ADAMTSL1: variants seen among roughly 807,000 people sequenced by gnomAD.
The protein encoded by ADAMTSL1 is ADAMTS-like protein 1.
Under a neutral mutation model 201.8 loss-of-function variants are expected in ADAMTSL1, and 126 were observed. The observed-to-expected ratio is 0.62, with a 90% CI of 0.54 to 0.72. ADAMTSL1 has a LOEUF of 0.72. ADAMTSL1 is among the 30% of genes least tolerant of loss of function. The pLI, the probability that ADAMTSL1 is intolerant of heterozygous loss-of-function variation, is 0.00. For synonymous variants in ADAMTSL1, 1,121 were observed against 903.4 expected (o/e 1.24, Z -4.32); for missense variants, 2,679 against 2,277.8 (o/e 1.18, Z -3.59).
At chr9:18,626,855 CTT>C (rs1826398046) in intron 5 of ADAMTSL1, among the ~76,000 whole-genome samples, 2 of 133,072 alleles carry the variant, frequency 1.5e-5, no homozygotes, top group Non-Finnish European at 3.2e-5. Flanking sequence ...TTCTTTCTTT[CTT>C]TCTTTCTTTC....
chr9:18,357,386 G>C (rs750825926), intron 2 of ADAMTSL1, among the ~76,000 whole-genome samples: 1 of 152,052 alleles, frequency 6.6e-6, no homozygotes, highest in Non-Finnish European at 1.5e-5. Flanking sequence ...AATATGTTCC[G>C]TTTCACTTCA....
chr9:18,302,355 A>G (rs1213516918), intron 2 of ADAMTSL1, among the ~76,000 whole-genome samples: 2 of 152,162 alleles, frequency 1.3e-5, no homozygotes, highest in African/African-American at 4.8e-5. Flanking sequence ...AGGTATCACC[A>G]CACTTAGTGA....
intron 3 of ADAMTSL1, among the ~76,000 whole-genome samples, chr9:18,560,122 T>G (rs949797066): frequency 1.3e-5 from 2 of 152,212 alleles, no homozygotes; most frequent in Admixed American, 1.3e-4. Context: ...TTTTGCCCAT[T>G]CAGTATGATA....
Position 18,753,279 on chromosome 9 carries a change from C to A in ADAMTSL1, c.2007-19C>A, listed in dbSNP as rs763152777. On this transcript the variant is annotated intron_variant, in intron 15 of 28. Coordinates refer to ENST00000380548, the MANE Select transcript of ADAMTSL1 (RefSeq NM_001040272.6). ...CAGGTACTAAGGGTGTGTCCTCTTCCTCTCTGATTTCTTCTCAGGTGGGAA... is the reference window on the plus strand; with the variant it reads ...CAGGTACTAAGGGTGTGTCCTCTTCATCTCTGATTTCTTCTCAGGTGGGAA... 21 of 1,602,172 alleles carry A rather than the reference C, an allele frequency of 1.3e-5. No individual in the cohort carries two copies. Among genetic ancestry groups the A allele is most frequent in the African/African-American group, 2.7e-5 (2 of 74,712 alleles).
chr9:18,470,541 T>C (rs1054029959), upstream of ADAMTSL1, among the ~76,000 whole-genome samples: 1 of 152,194 alleles, frequency 6.6e-6, no homozygotes, highest in Non-Finnish European at 1.5e-5. Flanking sequence ...GCCTAGCTCT[T>C]GAAATCCTCC....
chr9:18,696,883 T>TTATTATTATTATTATTATTAC (rs1443044646), intron 13 of ADAMTSL1, among the ~76,000 whole-genome samples: 4 of 148,922 alleles, frequency 2.7e-5, no homozygotes, highest in Non-Finnish European at 4.4e-5. Context: ...ATTATTATTA[T>TTATTATTATTATTATTATTAC]TATTATTATT....
At chr9:18,139,775 T>G (rs1430232648) in intron 1 of ADAMTSL1, among the ~76,000 whole-genome samples, 3 of 152,188 alleles carry the variant, frequency 2.0e-5, no homozygotes, top group African/African-American at 4.8e-5. Flanking sequence ...TTGGTCCACT[T>G]AAGCTTGAAT....
intron 14 of ADAMTSL1, chr9:18,717,840 T>A: frequency 1.4e-6 from 1 of 689,868 alleles, no homozygotes; most frequent in Non-Finnish European, 2.6e-6. Flanking sequence ...AGCTTTCATA[T>A]GCTCTTAAAG....
intron 2 of ADAMTSL1, among the ~76,000 whole-genome samples, chr9:18,273,334 G>C (rs56171870): frequency 0.36 from 55,239 of 152,064 alleles, 11,020 homozygotes; most frequent in South Asian, 0.51. Flanking sequence ...GCCCGCGTTG[G>C]CCTCTCAAAG....
rs189799204 is a variant in ADAMTSL1, at chr9:18,331,994, C to A, written c.207+168013C>A. 1.4e-4 allele frequency among the ~76,000 whole-genome samples: 22 copies of A among 152,194 alleles called. No individual in the cohort carries two copies. The East Asian group carries it at 2.1e-3, about 15-fold the overall frequency. ...TGATAAGGCATTGGCAAGTAGCCCA[C>A]CAAAATATTGATGTGAAACTTGATC... On this transcript the variant is annotated intron_variant, in intron 2 of 29. Coordinates refer to the ADAMTSL1 transcript ENST00000680146.
chr9:18,822,541 A>G (rs950052816), intron 21 of ADAMTSL1, among the ~76,000 whole-genome samples: 6 of 152,128 alleles, frequency 3.9e-5, no homozygotes, highest in Non-Finnish European at 8.8e-5. Flanking sequence ...TTGAATCCCC[A>G]CCCTGGCACT....
chr9:18,733,524 C>T (rs1818331219), intron 15 of ADAMTSL1, among the ~76,000 whole-genome samples: 1 of 152,160 alleles, frequency 6.6e-6, no homozygotes, highest in Admixed American at 6.5e-5. Context: ...CAGAGAGGTG[C>T]TTTGCTTATA....
intron 2 of ADAMTSL1, among the ~76,000 whole-genome samples, chr9:18,431,190 C>A (rs915522511): frequency 6.6e-6 from 1 of 152,130 alleles, no homozygotes; most frequent in African/African-American, 2.4e-5. Flanking sequence ...ACCTAGGGGA[C>A]CAGCTCAGGT....
intron 23 of ADAMTSL1, among the ~76,000 whole-genome samples, chr9:18,833,161 AAACCTTGG>A (rs1432468618): frequency 6.6e-6 from 1 of 152,238 alleles, no homozygotes; most frequent in African/African-American, 2.4e-5. Flanking sequence ...TATAAAAATG[AAACCTTGG>A]GACTAGCAAG....
rs149786148 is a variant in ADAMTSL1 at position 18,230,939 on chromosome 9, G to A, written c.207+66958G>A. Among the ~76,000 whole-genome samples, 1,426 of 152,140 alleles carry A rather than the reference G, an allele frequency of 9.4e-3. 22 individuals are homozygous for A. Among genetic ancestry groups the A allele is most frequent in the African/African-American group, 0.032 (1,327 of 41,504 alleles). Reference sequence around the variant, plus strand: ...ATTTGTGCCTAGGATTTTCCTCCTTGGGGGAATTTTCTCATGCCCCAAGAG... The same window carrying A: ...ATTTGTGCCTAGGATTTTCCTCCTTAGGGGAATTTTCTCATGCCCCAAGAG... On this transcript the variant is annotated intron_variant, in intron 2 of 29. Transcript: ENST00000680146.
chr9:18,210,416 TATATATTAATAAATATATTATGTATG>T (rs1287155542), intron 2 of ADAMTSL1, among the ~76,000 whole-genome samples: 1 of 146,150 alleles, frequency 6.8e-6, no homozygotes, highest in African/African-American at 2.5e-5. Context: ...TTATATATGA[TATATATTAATAAATATATTATGTATG>T]ATATATTAAT....
At chr9:18,460,506 G>A (rs1383028266) in intron 2 of ADAMTSL1, among the ~76,000 whole-genome samples, 1 of 152,126 alleles carries the variant, frequency 6.6e-6, no homozygotes, top group African/African-American at 2.4e-5. Context: ...GAAGCAGACG[G>A]TTGTGAAAAA....
intron 2 of ADAMTSL1, among the ~76,000 whole-genome samples, chr9:18,167,745 T>C (rs1827699556): frequency 6.6e-6 from 1 of 151,956 alleles, no homozygotes; most frequent in African/African-American, 2.4e-5. Flanking sequence ...CTCCTGTCAA[T>C]AGAAATGAAA....
chr9:18,535,401 A>C (rs1312989794), intron 3 of ADAMTSL1, among the ~76,000 whole-genome samples: 3 of 152,168 alleles, frequency 2.0e-5, no homozygotes, highest in African/African-American at 7.2e-5. Flanking sequence ...GGAAGTTCCG[A>C]ATTTTCCCAC....
Sources: gnomAD v4.1 joint callset for allele counts (sites outside exome capture counted in the v4.1 genomes callset) on GRCh38, gnomAD v4.1.1 for gene constraint, MANE v1.5 for transcripts, NCBI Gene and HGNC (gene_info 2026-07-23, HGNC 2026-07-21) for gene names.